Variants in RGPD2 observed in about 807,000 individuals in gnomAD.
RGPD2 encodes RANBP2-like and GRIP domain-containing protein 2.
A neutral mutation model predicts 36.0 loss-of-function variants in RGPD2; 2 were observed. The observed-to-expected ratio is 0.06, with a 90% confidence interval of 0.02 to 0.17. The LOEUF (loss-of-function observed/expected upper bound fraction) is 0.17, where lower values mean the gene tolerates loss of function less well. Among genes scored for constraint, RGPD2 ranks in the 10% least tolerant of loss-of-function variants. The pLI, the probability that RGPD2 is intolerant of heterozygous loss-of-function variation, is 1.00. For missense variants in RGPD2, 40 were observed against 464.3 expected (o/e 0.09, Z 8.40); for synonymous variants, 19 against 163.8 (o/e 0.12, Z 6.75).
intron 22 of RGPD2, among the ~76,000 whole-genome samples, chr2:87,761,030 CATT>C (rs1684875454): frequency 1.0e-5 from 1 of 100,172 alleles, no homozygotes; most frequent in African/African-American, 3.7e-5. Context: ...TCTTTTCTCT[CATT>C]GTGTGTCAGC....
chr2:87,913,473 A>G, the RGPD2 span, among the ~76,000 whole-genome samples: 18 of 151,544 alleles, frequency 1.2e-4, no homozygotes, highest in East Asian at 1.2e-3. Context: ...CAGCACACCA[A>G]CATGGCACAT....
chr2:87,855,327 T>C, the RGPD2 span, among the ~76,000 whole-genome samples: 1 of 151,522 alleles, frequency 6.6e-6, no homozygotes, highest in African/African-American at 2.4e-5. Flanking sequence ...AAAGTGGCTA[T>C]GCCATCTTGG....
At chr2:87,988,541 A>ATATATATATATATATATAT in the RGPD2 span, among the ~76,000 whole-genome samples, 96 of 54,112 alleles carry the variant, frequency 1.8e-3, 1 homozygote, top group East Asian at 3.0e-3. Flanking sequence ...ATATATATAT[A>ATATATATATATATATATAT]TTTTTTTTTT....
At chr2:87,880,158 T>C in the RGPD2 span, among the ~76,000 whole-genome samples, 726 of 146,758 alleles carry the variant, frequency 4.9e-3, no homozygotes, top group Middle Eastern at 0.022. Flanking sequence ...ATAAGAGTTG[T>C]ATTTGTTTTA....
chr2:87,827,464 A>G (rs1392086616), upstream of RGPD2, among the ~76,000 whole-genome samples: 4 of 143,054 alleles, frequency 2.8e-5, no homozygotes, highest in Admixed American at 1.4e-4. Context: ...TTTTTTTACT[A>G]TAAAATTTGG....
the RGPD2 span, among the ~76,000 whole-genome samples, chr2:87,966,432 A>G: frequency 6.8e-6 from 1 of 147,520 alleles, no homozygotes; most frequent in Non-Finnish European, 1.5e-5. Flanking sequence ...AGGGGAGGGG[A>G]TTGTTAAAAC....
rs889898180 is a variant in RGPD2, at chr2:87,824,626, T to C, written c.72+1032A>G. ...TACTCACTAGTTAATCCATATTCCG[T>C]TGAAATCCCCAGGTTCTAATGTAAA... On this transcript the variant is annotated intron_variant, in intron 1 of 22. Coordinates refer to ENST00000398146, the MANE Select transcript of RGPD2 (RefSeq NM_001078170.3). Among the ~76,000 whole-genome samples the C allele has an allele frequency of 8.1e-4, 123 of 151,364 alleles. 2 individuals are homozygous for C. Among genetic ancestry groups the C allele is most frequent in the East Asian group, 4.4e-3 (22 of 5,050 alleles).
chr2:87,981,493 TG>T, the RGPD2 span, among the ~76,000 whole-genome samples: 7 of 37,126 alleles, frequency 1.9e-4, no homozygotes, highest in African/African-American at 4.9e-4. Context: ...TCCATCAACC[TG>T]GGTTCCTGAA....
the RGPD2 span, among the ~76,000 whole-genome samples, chr2:87,865,266 C>T: frequency 2.8e-4 from 43 of 152,202 alleles, no homozygotes; most frequent in East Asian, 3.3e-3. Flanking sequence ...TAGTTATAAA[C>T]GAAGTTACAC....
At chr2:87,947,445 T>A in the RGPD2 span, among the ~76,000 whole-genome samples, 1 of 152,424 alleles carries the variant, frequency 6.6e-6, no homozygotes, top group Non-Finnish European at 1.5e-5. Flanking sequence ...ATTTCCTGCA[T>A]CAGGGCTTCC....
At chr2:87,914,107 A>G in the RGPD2 span, among the ~76,000 whole-genome samples, 1 of 151,062 alleles carries the variant, frequency 6.6e-6, no homozygotes, top group Non-Finnish European at 1.5e-5. Flanking sequence ...CTCTTATACA[A>G]GGAGTCAGAA....
the RGPD2 span, among the ~76,000 whole-genome samples, chr2:87,882,030 C>A: frequency 6.6e-6 from 1 of 152,134 alleles, no homozygotes; most frequent in African/African-American, 2.4e-5. Flanking sequence ...AGATGTCATG[C>A]ATTTAAACAA....
At chr2:87,854,637 G>A in the RGPD2 span, among the ~76,000 whole-genome samples, 1 of 152,094 alleles carries the variant, frequency 6.6e-6, no homozygotes. Flanking sequence ...ACTGTCAGTA[G>A]CACTTTCAGA....
the RGPD2 span, among the ~76,000 whole-genome samples, chr2:87,933,569 A>T: frequency 1.3e-4 from 19 of 150,264 alleles, 1 homozygote; most frequent in South Asian, 3.8e-3. Context: ...TTAGGAAGAA[A>T]TCATATTCTT....
the RGPD2 span, among the ~76,000 whole-genome samples, chr2:87,875,108 C>T: frequency 6.6e-6 from 1 of 152,122 alleles, no homozygotes; most frequent in African/African-American, 2.4e-5. Context: ...AGCTTTTGGG[C>T]TGAGATGATA....
chr2:87,957,571 T>G, the RGPD2 span, among the ~76,000 whole-genome samples: 2 of 152,036 alleles, frequency 1.3e-5, no homozygotes, highest in African/African-American at 2.4e-5. Context: ...TGGGACCTCT[T>G]TTATAAAGTC....
the RGPD2 span, among the ~76,000 whole-genome samples, chr2:87,883,690 T>C: frequency 1.3e-5 from 2 of 151,948 alleles, no homozygotes; most frequent in Admixed American, 6.6e-5. Context: ...AAATAAACTT[T>C]AGGTCAAAAA....
chr2:87,985,764 A>G, the RGPD2 span: 1 of 1,610,104 alleles, frequency 6.2e-7, no homozygotes, highest in African/African-American at 1.3e-5. Context: ...GTTAAAACCC[A>G]TCACGTTCAT....
the RGPD2 span, among the ~76,000 whole-genome samples, chr2:87,877,863 A>G: frequency 1.4e-5 from 2 of 144,564 alleles, no homozygotes; most frequent in Non-Finnish European, 3.0e-5. Context: ...TCCTAATCTC[A>G]TTTGGCTTTT....
Sources: gnomAD v4.1 joint callset for allele counts (sites outside exome capture counted in the v4.1 genomes callset) on GRCh38, gnomAD v4.1.1 for gene constraint, MANE v1.5 for transcripts, NCBI Gene and HGNC (gene_info 2026-07-23, HGNC 2026-07-21) for gene names.